SEMA6D: variants seen among roughly 807,000 people sequenced by gnomAD.
SEMA6D encodes semaphorin-6D.
A neutral mutation model predicts 106.6 loss-of-function variants in SEMA6D; 35 were observed. The observed-to-expected ratio is 0.33, with a 90% CI of 0.25 to 0.44. SEMA6D has a LOEUF of 0.44. Ranked by LOEUF, SEMA6D falls within the 20% of genes least tolerant of loss-of-function variation. The probability of loss-of-function intolerance (pLI) is 1.00; values close to 1 mark genes in which losing one functional copy is unlikely to be tolerated. For missense variants in SEMA6D, 1,185 were observed against 1,345.9 expected, an observed-to-expected ratio of 0.88 and a Z score of 1.87; for synonymous variants, 499 against 487.7, an observed-to-expected ratio of 1.02 and a Z score of -0.31.
intron 3 of SEMA6D, among the ~76,000 whole-genome samples, chr15:47,544,784 G>A (rs576050474): frequency 6.7e-6 from 1 of 149,874 alleles, no homozygotes; most frequent in South Asian, 2.1e-4. Flanking sequence ...AACAGAGAGG[G>A]AAAAGTAGGG....
intron 3 of SEMA6D, among the ~76,000 whole-genome samples, chr15:47,481,964 G>C (rs910184302): frequency 6.6e-6 from 1 of 152,142 alleles, no homozygotes; most frequent in African/African-American, 2.4e-5. Context: ...TATTTGACCA[G>C]GAAAAGGATA....
intron 1 of SEMA6D, among the ~76,000 whole-genome samples, chr15:47,225,150 A>G (rs975457241): frequency 3.3e-5 from 5 of 151,902 alleles, no homozygotes; most frequent in Non-Finnish European, 7.4e-5. Flanking sequence ...AAGAAGGTAC[A>G]AAGCTATTTC....
intron 3 of SEMA6D, among the ~76,000 whole-genome samples, chr15:47,532,544 C>T (rs1325060997): frequency 6.6e-6 from 1 of 152,162 alleles, no homozygotes; most frequent in Non-Finnish European, 1.5e-5. Flanking sequence ...ATTCTGGCTC[C>T]AAACCTTTAT....
chr15:47,745,718 G>A (rs1405123851), intron 1 of SEMA6D, among the ~76,000 whole-genome samples: 1 of 152,158 alleles, frequency 6.6e-6, no homozygotes, highest in African/African-American at 2.4e-5. Flanking sequence ...GGCGCTCCCT[G>A]AGCTTTGCAG....
chr15:47,370,353 A>G (rs1029718240), intron 1 of SEMA6D, among the ~76,000 whole-genome samples: 3 of 152,088 alleles, frequency 2.0e-5, no homozygotes, highest in African/African-American at 7.2e-5. Flanking sequence ...TGTCTCTACT[A>G]AAAATATGAA....
chr15:47,241,883 A>G (rs1379305226), intron 1 of SEMA6D, among the ~76,000 whole-genome samples: 1 of 152,116 alleles, frequency 6.6e-6, no homozygotes, highest in Non-Finnish European at 1.5e-5. Context: ...TGTGTAACAC[A>G]TGAATTTCCC....
chr15:47,717,690 G>C lies in SEMA6D; in HGVS notation c.-57G>C, dbSNP rs970247862. ...TTTTTCTTACCAGCCTCCCCCCAAT[G>C]AGGTAAGACCGTTTTCAACAATTTG... On this transcript the variant is annotated splice_region_variant and 5_prime_UTR_variant, in exon 1 of 19. The change abolishes an upstream ATG in the 5' untranslated region. Transcript: ENST00000536845. 1.3e-5 allele frequency: 2 copies of C among 150,876 alleles called. No individual in the cohort carries two copies. Among genetic ancestry groups the C allele is most frequent in the Admixed American group, 1.3e-4 (2 of 15,146 alleles). The allele number at this position is 150,876 out of a possible 1,614,324, so 9.3% of individuals were successfully genotyped here.
chr15:47,449,578 A>G (rs900492134), intron 2 of SEMA6D, among the ~76,000 whole-genome samples: 1 of 152,008 alleles, frequency 6.6e-6, no homozygotes, highest in Non-Finnish European at 1.5e-5. Flanking sequence ...CATATGAGCA[A>G]TTGTATTGAA....
chr15:47,692,740 G>A (rs2078616301), intron 4 of SEMA6D, among the ~76,000 whole-genome samples: 1 of 152,150 alleles, frequency 6.6e-6, no homozygotes, highest in East Asian at 1.9e-4. Flanking sequence ...AATCACAACA[G>A]GTGCCAGTGA....
intron 1 of SEMA6D, among the ~76,000 whole-genome samples, chr15:47,310,515 T>TATA (rs1293218189): frequency 6.6e-6 from 1 of 152,226 alleles, no homozygotes; most frequent in African/African-American, 2.4e-5. Flanking sequence ...TGGAGGAGTT[T>TATA]ATAAAGTCCT....
chr15:47,228,904 A>G (rs2031994570), intron 1 of SEMA6D, among the ~76,000 whole-genome samples: 1 of 152,018 alleles, frequency 6.6e-6, no homozygotes, highest in South Asian at 2.1e-4. Context: ...TGTATCCATC[A>G]CAGCTCCTAG....
intron 3 of SEMA6D, among the ~76,000 whole-genome samples, chr15:47,523,677 T>G (rs1302636583): frequency 6.6e-6 from 1 of 152,186 alleles, no homozygotes; most frequent in Admixed American, 6.5e-5. Flanking sequence ...TTTGAAAGCC[T>G]GGTATTTGTG....
At chr15:47,682,116 A>G (rs1387934698) in intron 4 of SEMA6D, among the ~76,000 whole-genome samples, 1 of 152,122 alleles carries the variant, frequency 6.6e-6, no homozygotes, top group African/African-American at 2.4e-5. Flanking sequence ...ATCTTTTCTC[A>G]ACGAGTTACT....
intron 4 of SEMA6D, among the ~76,000 whole-genome samples, chr15:47,660,581 T>A (rs2077899255): frequency 6.6e-6 from 1 of 152,188 alleles, no homozygotes; most frequent in African/African-American, 2.4e-5. Context: ...TTAACAGAAT[T>A]TGCTCTAGGA....
intron 2 of SEMA6D, among the ~76,000 whole-genome samples, chr15:47,432,484 C>T (rs1567075557): frequency 9.1e-6 from 1 of 109,422 alleles, no homozygotes; most frequent in African/African-American, 3.2e-5. Context: ...ACATTTATTT[C>T]TATATATATA....
chr15:47,773,651 T>C lies in SEMA6D; in HGVS notation c.*1866T>C, dbSNP rs994451017. On this transcript the variant is annotated 3_prime_UTR_variant, in exon 19 of 19. Coordinates refer to ENST00000536845, the MANE Select transcript of SEMA6D (RefSeq NM_001358351.3). ...AAATACTGATACAGTTATTCTTTTTTTTAAAGAACATTGTTTTATAAAGAA... is the reference window on the plus strand; with the variant it reads ...AAATACTGATACAGTTATTCTTTTTCTTAAAGAACATTGTTTTATAAAGAA... 1 of 152,624 alleles carries C rather than the reference T, an allele frequency of 6.6e-6. No individual in the cohort carries two copies. Among genetic ancestry groups the C allele is most frequent in the Non-Finnish European group, 1.5e-5 (1 of 68,050 alleles). 9.5% of individuals were successfully genotyped at this position (152,624 alleles called of 1,614,324 possible). A position where few individuals can be genotyped will look rare whatever the true frequency, so the allele number is the denominator to read the frequency against.
intron 3 of SEMA6D, among the ~76,000 whole-genome samples, chr15:47,569,907 A>G (rs1712567977): frequency 6.6e-6 from 1 of 151,966 alleles, no homozygotes; most frequent in Non-Finnish European, 1.5e-5. Context: ...CTAAAAATAC[A>G]AAAATTAGAC....
intron 1 of SEMA6D, among the ~76,000 whole-genome samples, chr15:47,307,716 A>G (rs535348796): frequency 6.6e-6 from 1 of 152,192 alleles, no homozygotes; most frequent in Admixed American, 6.5e-5. Context: ...TGAGGAAAAG[A>G]GAGCAATTTT....
At position 47,228,993 on chromosome 15, in the gene SEMA6D, A is replaced by AT. The variant is rs544731024; in HGVS notation, c.-239+44576dup. On this transcript the variant is annotated intron_variant, in intron 1 of 19. Coordinates refer to the SEMA6D transcript ENST00000558014. ...CAATTAATCACTGAATTTTAAATGG[A>AT]TGGGCCATGAGAGATCGTATAATCC... Among the ~76,000 whole-genome samples, 10 of 152,160 alleles carry AT rather than the reference A, an allele frequency of 6.6e-5. No individual in the cohort carries two copies. In the East Asian group the frequency reaches 1.9e-3, roughly 29 times the overall value.
Sources: allele counts gnomAD v4.1 joint callset (sites outside exome capture counted in the v4.1 genomes callset), GRCh38; gene constraint gnomAD v4.1.1; transcripts MANE v1.5; gene names NCBI Gene and HGNC (gene_info 2026-07-23, HGNC 2026-07-21).